Variants in RNPEP observed in about 807,000 individuals in gnomAD.
RNPEP encodes the protein aminopeptidase B.
A neutral mutation model predicts 70.1 loss-of-function variants in RNPEP; 57 were observed. The ratio of observed to expected loss-of-function variants is 0.81; its 90% CI spans 0.66 to 1.01. The LOEUF (loss-of-function observed/expected upper bound fraction) is 1.01. Among genes scored for constraint, RNPEP ranks in the 50% least tolerant of loss-of-function variants. The pLI is 0.00. For missense variants in RNPEP, 787 were observed against 852.4 expected (o/e 0.92, Z 0.96); for synonymous variants, 335 against 357.4 (o/e 0.94, Z 0.71).
intron 6 of RNPEP, 50 bp downstream of exon 6, chr1:202,000,065 A>G: frequency 7.3e-7 from 1 of 1,371,354 alleles, no homozygotes; most frequent in Non-Finnish European, 1.0e-6. Flanking sequence ...TTGAGCTTGG[A>G]GCCCCAAGTT....
chr1:201,996,083 C>A, intron 3 of RNPEP, 64 bp from the exon 4 acceptor site: 1 of 1,335,680 alleles, frequency 7.5e-7, no homozygotes, highest in Non-Finnish European at 1.1e-6. Context: ...CAGGTGCTTT[C>A]AGGATCAGGT....
rs773269192 is a variant in RNPEP, at chr1:202,001,503, G to C, written c.1317+15G>C. ...GTTTTCTCAAGGTATAGTCACATGA[G>C]GGGAGAAGGAAGAGGAGCGGATAAA... On this transcript the variant is annotated intron_variant, in intron 7 of 10. Transcript: ENST00000295640. The C allele has an allele frequency of 5.1e-6, 8 of 1,580,466 alleles. No homozygotes were observed. The Admixed American group carries it at 1.3e-4, about 26-fold the overall frequency.
chr1:201,983,456 T>A (rs1357521123), intron 1 of RNPEP: 1 of 1,406,984 alleles, frequency 7.1e-7, no homozygotes, highest in Non-Finnish European at 9.5e-7. Context: ...TTTCCGTGGC[T>A]TTCTAGATGA....
At position 202,006,130 on chromosome 1, in the gene RNPEP, C is replaced by A. The variant is rs1434829415; in HGVS notation, c.*414C>A. On this transcript the variant is annotated 3_prime_UTR_variant, in exon 11 of 11. Coordinates refer to ENST00000295640, the MANE Select transcript of RNPEP (RefSeq NM_020216.4). ...TTAATCCTTATTTTAATAAAGTTTT[C>A]AAGCAAAAATTAAGTTACGGATTGA... 1 of 168,912 alleles carries A rather than the reference C, an allele frequency of 5.9e-6. No individual in the cohort carries two copies. Among genetic ancestry groups the A allele is most frequent in the Non-Finnish European group, 1.3e-5 (1 of 76,618 alleles). The allele number at this position is 168,912 out of a possible 1,614,324, so 10.5% of individuals were successfully genotyped here.
At chr1:201,988,270 G>A (rs1008012892) in intron 1 of RNPEP, among the ~76,000 whole-genome samples, 5 of 151,690 alleles carry the variant, frequency 3.3e-5, no homozygotes, top group Non-Finnish European at 7.4e-5. Flanking sequence ...GACCAGCCTG[G>A]CCAACATGGT....
intron 9 of RNPEP, 70 bp downstream of exon 9, chr1:202,003,531 C>A: frequency 1.8e-6 from 2 of 1,126,740 alleles, no homozygotes; most frequent in Non-Finnish European, 2.6e-6. Context: ...GGGAGGCTCA[C>A]AAAAAGTAGT....
chr1:202,003,500 A>G, intron 9 of RNPEP, 39 bp downstream of exon 9: 1 of 1,435,314 alleles, frequency 7.0e-7, no homozygotes, highest in Non-Finnish European at 9.8e-7. Flanking sequence ...TTGTGTGCAC[A>G]GCTTTATGTC....
At chr1:202,004,292 T>TA (rs1254300451) in intron 9 of RNPEP, 62 bp from the exon 10 acceptor site, 1 of 1,585,316 alleles carries the variant, frequency 6.3e-7, no homozygotes, top group Non-Finnish European at 8.6e-7. Context: ...CCTCCCAAAA[T>TA]TCTAGTATTA....
chr1:201,987,193 C>T (rs1200410782), intron 1 of RNPEP, among the ~76,000 whole-genome samples: 2 of 152,086 alleles, frequency 1.3e-5, no homozygotes, highest in Admixed American at 6.6e-5. Context: ...CTGCTCGTCT[C>T]CTTGTGAATG....
chr1:202,001,477 A>G lies in RNPEP; in HGVS notation c.1306A>G (p.Ser436Gly). ...HLVGDQDQFD[S>G]FLKAYVHEFK... ...GGTGGGTGATCAGGATCAGTTTGAC[A>G]GTTTTCTCAAGGTATAGTCACATGA... Residue 436 changes from serine to glycine, a missense_variant, in exon 7 of 11, where the codon AGT becomes GGT. Physicochemically the swap from Ser to Gly is moderately conservative, Grantham distance 56. Transcript: ENST00000295640. 1 of 1,608,786 alleles carries G rather than the reference A, an allele frequency of 6.2e-7. No homozygotes were observed. Among genetic ancestry groups the G allele is most frequent in the Non-Finnish European group, 8.5e-7 (1 of 1,175,188 alleles).
intron 1 of RNPEP, among the ~76,000 whole-genome samples, chr1:201,988,471 A>C (rs7512518): frequency 5.4e-4 from 52 of 97,120 alleles, no homozygotes; most frequent in South Asian, 1.1e-3. Flanking sequence ...AAAAAAAAAA[A>C]AAAAAAAAAA....
chr1:202,001,786 C>A lies in RNPEP; in HGVS notation c.1426+19C>A. On this transcript the variant is annotated intron_variant, in intron 8 of 10. Coordinates refer to ENST00000295640, the MANE Select transcript of RNPEP (RefSeq NM_020216.4). ...ATTCCAGGTAAGCAGAGGAACTGGCCCACAGGCTTCTAAAAAATAGTAGAG... is the reference window on the plus strand; with the variant it reads ...ATTCCAGGTAAGCAGAGGAACTGGCACACAGGCTTCTAAAAAATAGTAGAG... The A allele has an allele frequency of 7.2e-7, 1 of 1,381,772 alleles. No individual in the cohort carries two copies. Among genetic ancestry groups the A allele is most frequent in the Non-Finnish European group, 1.0e-6 (1 of 969,058 alleles). 85.6% of individuals were successfully genotyped at this position (1,381,772 alleles called of 1,614,324 possible).
chr1:202,004,334 C>T lies in RNPEP; in HGVS notation c.1652-20C>T, dbSNP rs777320458. ...TGACCCACCGTGACCAGCCACAAACCATTTCTTTCTCTTCTCCAGGGAATG... is the reference window on the plus strand; with the variant it reads ...TGACCCACCGTGACCAGCCACAAACTATTTCTTTCTCTTCTCCAGGGAATG... On this transcript the variant is annotated intron_variant, in intron 9 of 10. Transcript: ENST00000295640. 29 of 1,613,614 alleles carry T rather than the reference C, an allele frequency of 1.8e-5. No homozygotes were observed. In the East Asian group the frequency reaches 4.7e-4, roughly 26 times the overall value.
At chr1:201,999,349 G>A (rs919425197) in intron 5 of RNPEP, among the ~76,000 whole-genome samples, 4 of 152,050 alleles carry the variant, frequency 2.6e-5, no homozygotes, top group African/African-American at 9.7e-5. Flanking sequence ...TTTGAGCTTG[G>A]CCAACGTGGT....
chr1:201,983,033 T>A lies in RNPEP; in HGVS notation c.367T>A (p.Cys123Ser). Residue 123 changes from cysteine to serine, a missense_variant, in exon 1 of 11, where the codon TGC (cysteine) becomes AGC (serine). Cys to Ser is a moderately radical substitution (Grantham distance 112, BLOSUM62 -1). Transcript: ENST00000295640. ...CTTCTCGCACTATGGCCAGGCCCTG[T>A]GCGTGTCCTTCCCGCAGCCCTGCCG... ...QPFSHYGQAL[C>S]VSFPQPCRAA... The A allele has an allele frequency of 6.5e-7, 1 of 1,527,324 alleles. No homozygotes were observed. Among genetic ancestry groups the A allele is most frequent in the South Asian group, 1.2e-5 (1 of 82,328 alleles). The allele number at this position is 1,527,324 out of a possible 1,614,324, so 94.6% of individuals were successfully genotyped here.
At chr1:202,001,023 T>C in intron 6 of RNPEP, 1 of 235,990 alleles carries the variant, frequency 4.2e-6, no homozygotes, top group Non-Finnish European at 8.2e-6. Flanking sequence ...ACACAAAGTG[T>C]ATCCTGGGAC....
chr1:201,997,162 G>T (rs1472812406), intron 4 of RNPEP, among the ~76,000 whole-genome samples, 157 bp from the exon 5 acceptor site: 1 of 143,572 alleles, frequency 7.0e-6, no homozygotes, highest in Non-Finnish European at 1.6e-5. Flanking sequence ...AAGCATTGAG[G>T]AGCCTGGGCT....
At chr1:202,000,693 G>A (rs906099566) in intron 6 of RNPEP, among the ~76,000 whole-genome samples, 9 of 152,162 alleles carry the variant, frequency 5.9e-5, no homozygotes, top group Admixed American at 2.0e-4. Flanking sequence ...TCAAGAGTTC[G>A]AGACCAGCCT....
chr1:201,983,420 T>A, intron 1 of RNPEP: 1 of 1,475,272 alleles, frequency 6.8e-7, no homozygotes, highest in Non-Finnish European at 9.1e-7. Context: ...GCATTCCCGC[T>A]CATCGCACAC....
Sources: allele counts gnomAD v4.1 joint callset (sites outside exome capture counted in the v4.1 genomes callset), GRCh38; gene constraint gnomAD v4.1.1; transcripts MANE v1.5; gene names NCBI Gene and HGNC (gene_info 2026-07-23, HGNC 2026-07-21).